NCKAP1: variants seen among roughly 807,000 people sequenced by gnomAD.
NCKAP1 encodes NCK associated protein 1, also known as nck-associated protein 1.
In NCKAP1, 21 loss-of-function variants were observed where a neutral mutation model predicts 151.2. The observed-to-expected ratio is 0.14, with a 90% CI of 0.10 to 0.20. The LOEUF is 0.20. Among genes scored for constraint, NCKAP1 ranks in the 10% least tolerant of loss-of-function variants. The probability of loss-of-function intolerance (pLI) is 1.00; values close to 1 mark genes in which losing one functional copy is unlikely to be tolerated. For missense variants in NCKAP1, 933 were observed against 1,352.1 expected (o/e 0.69, Z 4.86); for synonymous variants, 484 against 451.8 (o/e 1.07, Z -0.90).
At chr2:183,002,888 C>T (rs1559101862) in intron 4 of NCKAP1, 86 bp downstream of exon 4, 3 of 907,562 alleles carry the variant, frequency 3.3e-6, no homozygotes, top group South Asian at 3.3e-5. Context: ...ATGCTAGTTA[C>T]ATAATCTAGC....
chr2:182,957,148 TAAATTA>T, intron 19 of NCKAP1: 1 of 207,668 alleles, frequency 4.8e-6, no homozygotes, highest in African/African-American at 2.3e-5. Context: ...TAACTTTAAA[TAAATTA>T]AAAATTACAG....
chr2:183,034,555 A>C (rs1211543256), intron 1 of NCKAP1, among the ~76,000 whole-genome samples: 2 of 152,178 alleles, frequency 1.3e-5, no homozygotes, highest in Non-Finnish European at 2.9e-5. Flanking sequence ...CACACACACA[A>C]AAATTTAACT....
In NCKAP1 at chr2:182,983,320, A is replaced by G; in HGVS notation, c.1067T>C (p.Val356Ala). Residue 356 changes from valine to alanine, a missense_variant, in exon 11 of 31, where the codon GTC becomes GCC. Physicochemically the swap from Val to Ala is moderately conservative, Grantham distance 64. Coordinates refer to ENST00000361354, the MANE Select transcript of NCKAP1 (RefSeq NM_013436.5). Reference protein sequence around the residue: ...LRSALKELATVLSDQPGLLGP... With the variant: ...LRSALKELATALSDQPGLLGP... Reference sequence around the variant, plus strand: ...TAGCAATCCAGGTTGATCAGAGAGGACAGTAGCCAATTCCTTCAGTGCAGA... The same window carrying G: ...TAGCAATCCAGGTTGATCAGAGAGGGCAGTAGCCAATTCCTTCAGTGCAGA... The G allele has an allele frequency of 6.2e-7, 1 of 1,613,022 alleles. No individual in the cohort carries two copies.
intron 2 of NCKAP1, among the ~76,000 whole-genome samples, chr2:183,017,967 T>C (rs1309837746): frequency 2.0e-5 from 3 of 152,128 alleles, no homozygotes. Context: ...TAAAGATACC[T>C]GGCCGGGTGC....
chr2:182,932,698 T>C (rs2105802001), intron 26 of NCKAP1, among the ~76,000 whole-genome samples: 1 of 152,092 alleles, frequency 6.6e-6, no homozygotes. Context: ...CTATTGAAAG[T>C]TTGCTGGAAA....
intron 8 of NCKAP1, among the ~76,000 whole-genome samples, chr2:182,993,464 G>A (rs1698207473): frequency 1.3e-5 from 2 of 152,086 alleles, no homozygotes; most frequent in Non-Finnish European, 2.9e-5. Context: ...TGAGCCTAGG[G>A]GTGAGTAGGA....
chr2:182,982,779 A>C (rs1174463765), intron 12 of NCKAP1, 42 bp downstream of exon 12: 1 of 1,292,598 alleles, frequency 7.7e-7, no homozygotes, highest in Admixed American at 2.3e-5. Flanking sequence ...ATCAAGAAGC[A>C]TCTATATACA....
chr2:182,949,613 G>C (rs1697175294), intron 23 of NCKAP1, among the ~76,000 whole-genome samples: 1 of 152,076 alleles, frequency 6.6e-6, no homozygotes, highest in Admixed American at 6.5e-5. Context: ...ACCAGCTTGG[G>C]CAATATGGCG....
In NCKAP1 at chr2:182,921,949, T is replaced by A. The variant is rs957014677; in HGVS notation, c.*3753A>T. 1.3e-5 allele frequency: 2 copies of A among 152,252 alleles called. No homozygotes were observed. The highest frequency in any genetic ancestry group is 2.9e-5 in the Non-Finnish European group (2 of 68,040). 9.4% of individuals were successfully genotyped at this position (152,252 alleles called of 1,614,324 possible). On this transcript the variant is annotated 3_prime_UTR_variant, in exon 31 of 31. Transcript: ENST00000361354. ...TTTTTGTACTACAGAATAAAAATTT[T>A]AAAATCTCAAATATTTTTTCCCAAA...
chr2:183,007,222 T>G (rs1698494355), intron 2 of NCKAP1, among the ~76,000 whole-genome samples: 1 of 152,176 alleles, frequency 6.6e-6, no homozygotes, highest in South Asian at 2.1e-4. Context: ...CATGCAAATA[T>G]TTTAGCAAAG....
At chr2:183,028,519 C>T (rs1023990282) in intron 1 of NCKAP1, among the ~76,000 whole-genome samples, 3 of 152,088 alleles carry the variant, frequency 2.0e-5, no homozygotes, top group African/African-American at 7.2e-5. Context: ...TACACTTAAA[C>T]ATAGTAATTA....
At chr2:182,941,939 G>T in intron 24 of NCKAP1, 131 bp downstream of exon 24, 1 of 666,920 alleles carries the variant, frequency 1.5e-6, no homozygotes, top group Non-Finnish European at 2.5e-6. Flanking sequence ...AAATGTTCTA[G>T]TTCTCTTCAT....
intron 24 of NCKAP1, among the ~76,000 whole-genome samples, chr2:182,937,162 C>T (rs1696894884): frequency 8.4e-6 from 1 of 119,224 alleles, no homozygotes; most frequent in Non-Finnish European, 1.8e-5. Context: ...CTAGAAATAA[C>T]AACAGACAAG....
At chr2:182,969,053 T>C (rs1697632919) in intron 15 of NCKAP1, among the ~76,000 whole-genome samples, 1 of 152,220 alleles carries the variant, frequency 6.6e-6, no homozygotes, top group South Asian at 2.1e-4. Flanking sequence ...TTACTTACCA[T>C]TTATCAGCTT....
chr2:183,025,558 T>C lies in NCKAP1; in HGVS notation c.109-1642A>G, dbSNP rs555433068. 1.2e-3 allele frequency among the ~76,000 whole-genome samples: 190 copies of C among 152,228 alleles called. 2 individuals carry two copies. Among genetic ancestry groups the C allele is most frequent in the African/African-American group, 4.4e-3 (184 of 41,556 alleles). On this transcript the variant is annotated intron_variant, in intron 1 of 30. Transcript: ENST00000361354. ...TCAAATATAATTAAATAAAACAAAA[T>C]CTTAAGAAATTTAGAACTTCATAAT...
chr2:182,950,234 G>A (rs1048045708), intron 23 of NCKAP1, among the ~76,000 whole-genome samples: 3 of 152,088 alleles, frequency 2.0e-5, no homozygotes, highest in Admixed American at 6.5e-5. Flanking sequence ...AATTCAGAGA[G>A]ACTCAAAATA....
At chr2:182,980,865 C>CT (rs1194879620) in intron 13 of NCKAP1, among the ~76,000 whole-genome samples, 1 of 152,050 alleles carries the variant, frequency 6.6e-6, no homozygotes, top group Non-Finnish European at 1.5e-5. Context: ...GTCTCTCTGC[C>CT]TCCTCATTTG....
chr2:182,950,375 A>C (rs1697189484), intron 23 of NCKAP1, among the ~76,000 whole-genome samples: 1 of 152,228 alleles, frequency 6.6e-6, no homozygotes. Context: ...TGGCTAAAGT[A>C]AAATTTCAGA....
chr2:182,986,996 C>A (rs1389211142), intron 9 of NCKAP1, among the ~76,000 whole-genome samples: 1 of 152,146 alleles, frequency 6.6e-6, no homozygotes, highest in African/African-American at 2.4e-5. Flanking sequence ...AATCCCAGCA[C>A]TTTGGGAGGC....
Sources: gnomAD v4.1 joint callset for allele counts (sites outside exome capture counted in the v4.1 genomes callset) on GRCh38, gnomAD v4.1.1 for gene constraint, MANE v1.5 for transcripts, NCBI Gene and HGNC (gene_info 2026-07-23, HGNC 2026-07-21) for gene names.